PCGF3: variants seen among roughly 807,000 people sequenced by gnomAD.
PCGF3 encodes polycomb group ring finger 3.
Under a neutral mutation model 33.1 loss-of-function variants are expected in PCGF3, and 7 were observed. That is an observed-to-expected ratio of 0.21 (90% confidence interval 0.12 to 0.40). The LOEUF (loss-of-function observed/expected upper bound fraction) is 0.40. Ranked by LOEUF, PCGF3 falls within the 10% of genes least tolerant of loss-of-function variation. The probability of loss-of-function intolerance (pLI) is 1.00; values close to 1 mark genes in which losing one functional copy is unlikely to be tolerated. For missense variants in PCGF3, 211 were observed against 313.3 expected, an observed-to-expected ratio of 0.67 and a Z score of 2.46; for synonymous variants, 153 against 121.3, an observed-to-expected ratio of 1.26 and a Z score of -1.72.
chr4:757,998 C>A (rs1744847024), intron 8 of PCGF3, among the ~76,000 whole-genome samples: 1 of 151,940 alleles, frequency 6.6e-6, no homozygotes, highest in South Asian at 2.1e-4. Context: ...GAAACCCCGT[C>A]TCTACTAAAA....
At chr4:747,881 CTT>C (rs34031770) in intron 8 of PCGF3, among the ~76,000 whole-genome samples, 14 of 150,324 alleles carry the variant, frequency 9.3e-5, no homozygotes, top group Admixed American at 2.0e-4. Context: ...CTTCCTTTTT[CTT>C]TTTTTTTTTA....
At chr4:756,423 G>A (rs560814352) in intron 8 of PCGF3, among the ~76,000 whole-genome samples, 4 of 151,396 alleles carry the variant, frequency 2.6e-5, no homozygotes, top group Admixed American at 6.6e-5. Context: ...ATGTTGGCCC[G>A]TCTGGCCTCG....
intron 8 of PCGF3, among the ~76,000 whole-genome samples, chr4:749,699 C>A (rs1348848779): frequency 2.6e-5 from 4 of 152,078 alleles, no homozygotes; most frequent in Admixed American, 2.6e-4. Context: ...GTTGGCCAGG[C>A]TGGTCTTGAA....
At chr4:713,422 G>A (rs923784862) in intron 1 of PCGF3, among the ~76,000 whole-genome samples, 2 of 150,438 alleles carry the variant, frequency 1.3e-5, no homozygotes, top group Non-Finnish European at 3.0e-5. Context: ...GTGGCCTCGT[G>A]GGGGCTGTGG....
chr4:707,378 A>G (rs1742353251), intron 1 of PCGF3, among the ~76,000 whole-genome samples: 1 of 152,226 alleles, frequency 6.6e-6, no homozygotes, highest in East Asian at 1.9e-4. Context: ...ATAATTCAGG[A>G]GGACCTGACC....
chr4:719,258 T>G lies in PCGF3; in HGVS notation c.-189-11372T>G, dbSNP rs116715535. 4.6e-3 allele frequency among the ~76,000 whole-genome samples: 699 copies of G among 152,314 alleles called. 4 individuals carry two copies. Among genetic ancestry groups the G allele is most frequent in the African/African-American group, 0.016 (677 of 41,572 alleles). On this transcript the variant is annotated intron_variant, in intron 1 of 10. Transcript: ENST00000362003. ...GTGAGCCACCTCACCCGGCTGTTTT[T>G]CATTTTCTTAAAAAAACTTTTAGGG...
rs1159221268 is a variant in PCGF3 at position 744,690 on chromosome 4, TG to T, written c.462+5del. The T allele has an allele frequency of 6.5e-7, 1 of 1,539,152 alleles. No individual in the cohort carries two copies. Among genetic ancestry groups the T allele is most frequent in the African/African-American group, 1.4e-5 (1 of 72,260 alleles). ...GACTACCACCGCAGCGACGAGCAGG[TG>T]GGCGGGGCCCGGGGGTCGCTGCAGT... On this transcript the variant is annotated splice_donor_region_variant and intron_variant, in intron 8 of 10. Transcript: ENST00000362003.
rs143430212 is a variant in PCGF3 at position 741,105 on chromosome 4, G to A, written c.263-2369G>A. Among the ~76,000 whole-genome samples, 82 of 152,314 alleles carry A rather than the reference G, an allele frequency of 5.4e-4. 1 individual carries two copies. The East Asian group carries it at 0.012, about 22-fold the overall frequency. ...GTAGCTATGCTGAGAGCAAACAGCC[G>A]ACGATGGAGTCACTGACTCAACACC... is the stretch of plus-strand genomic sequence containing the variant. On this transcript the variant is annotated intron_variant, in intron 6 of 10. Coordinates refer to ENST00000362003, the Ensembl canonical transcript of PCGF3.
chr4:743,431 C>G (rs774371650), intron 6 of PCGF3, 43 bp from the exon 7 acceptor site: 25 of 1,133,416 alleles, frequency 2.2e-5, no homozygotes, highest in Non-Finnish European at 3.1e-5. Context: ...TTAATAGAAT[C>G]CACTGCCTGT....
intron 1 of PCGF3, among the ~76,000 whole-genome samples, chr4:716,118 G>A (rs538668212): frequency 1.8e-4 from 24 of 131,634 alleles, no homozygotes; most frequent in African/African-American, 6.1e-4. Context: ...CACTGAGGGT[G>A]AGAACTGGGT....
At position 720,732 on chromosome 4, in the gene PCGF3, G is replaced by C. The variant is rs868847585; in HGVS notation, c.-189-9898G>C. On this transcript the variant is annotated intron_variant, in intron 1 of 10. Transcript: ENST00000362003. This position sits in a 1 kb window ranked among gnomAD's most constrained non-coding sequence, Gnocchi z 5.6. The stretch of plus-strand genomic sequence containing the variant: ...CCGGCGTGGACGGGCGGTGACGTGC[G>C]TGTGGACCCGGCGTGGACGCAGCCC... Among the ~76,000 whole-genome samples, 4 of 150,762 alleles carry C rather than the reference G, an allele frequency of 2.7e-5. No homozygotes were observed. The highest frequency in any genetic ancestry group is 3.4e-3 in the Middle Eastern group (1 of 290).
At position 720,653 on chromosome 4, in the gene PCGF3, G is replaced by A. The variant is rs925968746; in HGVS notation, c.-189-9977G>A. On this transcript the variant is annotated intron_variant, in intron 1 of 10. Transcript: ENST00000362003. The surrounding 1 kb of genome is among the most constrained non-coding windows in gnomAD (Gnocchi z 5.6). The stretch of plus-strand genomic sequence containing the variant: ...CGTGCGTGTGGACCCGGGGTGGACG[G>A]GCGGTGACGTGCGTGTGGACCCGGG... Among the ~76,000 whole-genome samples, 5 of 150,736 alleles carry A rather than the reference G, an allele frequency of 3.3e-5. No individual in the cohort carries two copies. Among genetic ancestry groups the A allele is most frequent in the Non-Finnish European group, 7.4e-5 (5 of 67,608 alleles).
At chr4:748,449 G>T (rs1744367460) in intron 8 of PCGF3, among the ~76,000 whole-genome samples, 2 of 152,322 alleles carry the variant, frequency 1.3e-5, no homozygotes, top group South Asian at 4.1e-4. Flanking sequence ...GCCTCCCAAA[G>T]TGCTGGGGTT....
chr4:718,969 T>C (rs1380268700), intron 1 of PCGF3, among the ~76,000 whole-genome samples: 1 of 152,168 alleles, frequency 6.6e-6, no homozygotes, highest in African/African-American at 2.4e-5. Context: ...TTTTTTAATT[T>C]TTTGAGTTAG....
At chr4:726,388 A>C (rs1743334459) in intron 1 of PCGF3, among the ~76,000 whole-genome samples, 1 of 152,222 alleles carries the variant, frequency 6.6e-6, no homozygotes, top group Non-Finnish European at 1.5e-5. Flanking sequence ...TGCGGGGGCC[A>C]GCAAACCCGC....
rs200168770 is a variant in PCGF3, at chr4:766,007, C to T, written c.682-25C>T. On this transcript the variant is annotated intron_variant, in intron 10 of 10. Coordinates refer to ENST00000362003, the Ensembl canonical transcript of PCGF3. The stretch of plus-strand genomic sequence containing the variant: ...CTCGCCTCCACCCCTGCTAAGCAGG[C>T]ACTGTGCGTTCTTGTGTCTTCCAGA... 3.0e-5 allele frequency: 49 copies of T among 1,612,020 alleles called. No individual in the cohort carries two copies. In the African/African-American group the frequency reaches 5.3e-4, roughly 18 times the overall value.
At chr4:724,640 G>A (rs182280185) in intron 1 of PCGF3, among the ~76,000 whole-genome samples, 203 of 152,244 alleles carry the variant, frequency 1.3e-3, no homozygotes, top group Non-Finnish European at 2.4e-3. Context: ...CCTGGCCAAC[G>A]TGGTGAAACC....
intron 6 of PCGF3, among the ~76,000 whole-genome samples, chr4:741,532 G>A (rs1157715874): frequency 1.3e-5 from 2 of 152,164 alleles, no homozygotes; most frequent in Non-Finnish European, 2.9e-5. Context: ...TCAGCCTCCT[G>A]AGTAGCTGGG....
chr4:710,064 C>T (rs747462616), intron 1 of PCGF3, among the ~76,000 whole-genome samples: 7 of 152,118 alleles, frequency 4.6e-5, no homozygotes, highest in Admixed American at 1.3e-4. Context: ...GTTTTTAGGC[C>T]GTGCTGAGTG....
Sources: gnomAD v4.1 joint callset for allele counts (sites outside exome capture counted in the v4.1 genomes callset) on GRCh38, gnomAD v4.1.1 for gene constraint, Gnocchi (gnomAD v3.1) non-coding constraint, MANE v1.5 for transcripts, NCBI Gene and HGNC (gene_info 2026-07-23, HGNC 2026-07-21) for gene names.